The following CADM2 variants were observed in gnomAD, a reference collection of about 807,000 sequenced individuals.
The protein encoded by CADM2 is immunoglobulin superfamily member 4D.
CADM2 carries 12 observed loss-of-function variants against 49.8 expected under a neutral mutation model. The ratio of observed to expected loss-of-function variants is 0.24; its 90% CI spans 0.15 to 0.39. The LOEUF (loss-of-function observed/expected upper bound fraction) is 0.39. Among genes scored for constraint, CADM2 ranks in the 10% least tolerant of loss-of-function variants. The pLI is 1.00. For synonymous variants in CADM2, 214 were observed against 175.4 expected, an observed-to-expected ratio of 1.22 and a Z score of -1.74; for missense variants, 378 against 492.3, an observed-to-expected ratio of 0.77 and a Z score of 2.20.
intron 1 of CADM2, among the ~76,000 whole-genome samples, chr3:85,157,618 G>A (rs2040175098): frequency 6.6e-6 from 1 of 152,092 alleles, no homozygotes; most frequent in Non-Finnish European, 1.5e-5. Flanking sequence ...AAATGGTGCT[G>A]GGAAAACTGG....
At chr3:85,455,705 C>T (rs539642159) in intron 1 of CADM2, among the ~76,000 whole-genome samples, 1 of 152,148 alleles carries the variant, frequency 6.6e-6, no homozygotes, top group Admixed American at 6.5e-5. Context: ...AGGGCCTTCT[C>T]AGCAGAAGGG....
intron 6 of CADM2, among the ~76,000 whole-genome samples, chr3:85,926,161 T>TAAATAAAC (rs1719831415): frequency 6.7e-6 from 1 of 149,926 alleles, no homozygotes. Context: ...AATAAATAAA[T>TAAATAAAC]AAATAAATAA....
chr3:85,181,968 T>A (rs2040946615), intron 1 of CADM2, among the ~76,000 whole-genome samples: 1 of 149,276 alleles, frequency 6.7e-6, no homozygotes, highest in African/African-American at 2.4e-5. Flanking sequence ...TTATAATTTA[T>A]ATTGAATAAT....
intron 1 of CADM2, among the ~76,000 whole-genome samples, chr3:85,464,444 T>A (rs2038397559): frequency 6.6e-6 from 1 of 152,154 alleles, no homozygotes; most frequent in South Asian, 2.1e-4. Flanking sequence ...TCCTTCAACG[T>A]TTAAACTTCC....
chr3:85,196,794 T>A (rs991226218), intron 1 of CADM2, among the ~76,000 whole-genome samples: 15 of 151,976 alleles, frequency 9.9e-5, no homozygotes, highest in Non-Finnish European at 2.9e-5. Flanking sequence ...ACCATCCTAA[T>A]TGTATCACAA....
intron 1 of CADM2, among the ~76,000 whole-genome samples, chr3:85,280,579 ATCCACG>A (rs2043475810): frequency 6.6e-6 from 1 of 151,636 alleles, no homozygotes. Context: ...GGATCCGGTT[ATCCACG>A]TCTTTTCTGC....
chr3:85,348,544 TA>T (rs1050927839), intron 1 of CADM2, among the ~76,000 whole-genome samples: 21 of 152,098 alleles, frequency 1.4e-4, no homozygotes, highest in Non-Finnish European at 2.9e-4. Context: ...AAATTATCTT[TA>T]AAAAAATCTT....
At chr3:84,961,385 G>T (rs1275882138) in intron 1 of CADM2, among the ~76,000 whole-genome samples, 1 of 152,116 alleles carries the variant, frequency 6.6e-6, no homozygotes. Flanking sequence ...TGTATTTTAC[G>T]TTGGGTGTAA....
At chr3:85,565,384 A>G (rs1399489926) in intron 1 of CADM2, among the ~76,000 whole-genome samples, 1 of 152,096 alleles carries the variant, frequency 6.6e-6, no homozygotes, top group Non-Finnish European at 1.5e-5. Flanking sequence ...TTCTGTTTAT[A>G]TATGAAGAAA....
At chr3:85,783,828 C>T (rs898687738) in intron 2 of CADM2, among the ~76,000 whole-genome samples, 1 of 152,072 alleles carries the variant, frequency 6.6e-6, no homozygotes, top group Non-Finnish European at 1.5e-5. Flanking sequence ...GATATTTGAC[C>T]CTCAAACTTG....
chr3:85,173,891 C>G (rs1301444345), intron 1 of CADM2, among the ~76,000 whole-genome samples: 1 of 152,118 alleles, frequency 6.6e-6, no homozygotes, highest in Non-Finnish European at 1.5e-5. Context: ...ATTCACTTCT[C>G]AGGGTACAAG....
intron 1 of CADM2, among the ~76,000 whole-genome samples, chr3:85,039,650 A>G (rs1005088222): frequency 2.0e-5 from 3 of 152,200 alleles, no homozygotes; most frequent in African/African-American, 4.8e-5. Context: ...CATGTATACT[A>G]TCTATCTTGA....
At chr3:85,966,973 A>G (rs1018600540) in intron 8 of CADM2, among the ~76,000 whole-genome samples, 1 of 151,724 alleles carries the variant, frequency 6.6e-6, no homozygotes, top group Non-Finnish European at 1.5e-5. Context: ...ACTGCTAGAG[A>G]TCTCTATGTG....
At chr3:85,908,827 C>T (rs776741906) in intron 5 of CADM2, among the ~76,000 whole-genome samples, 17 of 151,810 alleles carry the variant, frequency 1.1e-4, no homozygotes, top group Middle Eastern at 3.4e-3. Flanking sequence ...CGGGTTCAAG[C>T]GATTCTTCTG....
At chr3:84,962,546 T>A (rs1006614899) in intron 1 of CADM2, among the ~76,000 whole-genome samples, 11 of 152,180 alleles carry the variant, frequency 7.2e-5, no homozygotes, top group African/African-American at 2.7e-4. Flanking sequence ...CTTTATTTTC[T>A]GGACATAGAT....
At chr3:85,043,467 G>A (rs946948901) in intron 1 of CADM2, among the ~76,000 whole-genome samples, 1 of 151,856 alleles carries the variant, frequency 6.6e-6, no homozygotes. Flanking sequence ...ATCGCTTAAG[G>A]CCAGGAGTTT....
At chr3:85,607,282 A>G (rs1312805310) in intron 1 of CADM2, among the ~76,000 whole-genome samples, 2 of 152,182 alleles carry the variant, frequency 1.3e-5, no homozygotes, top group African/African-American at 4.8e-5. Context: ...AATACAATGT[A>G]TGATGGCAGG....
chr3:85,364,694 A>G (rs1239615863), intron 1 of CADM2, among the ~76,000 whole-genome samples: 4 of 152,166 alleles, frequency 2.6e-5, no homozygotes, highest in Admixed American at 1.3e-4. Context: ...TTGTAATACA[A>G]TGTTACAGTG....
chr3:85,388,784 TA>T (rs879720671), intron 1 of CADM2, among the ~76,000 whole-genome samples: 37 of 150,188 alleles, frequency 2.5e-4, no homozygotes, highest in South Asian at 4.2e-4. Context: ...CCTCCACCAT[TA>T]AAAAAAAACA....
Sources: allele counts gnomAD v4.1 joint callset (sites outside exome capture counted in the v4.1 genomes callset), GRCh38; gene constraint gnomAD v4.1.1; transcripts MANE v1.5; gene names NCBI Gene and HGNC (gene_info 2026-07-23, HGNC 2026-07-21).